EPHA6: variants seen among roughly 807,000 people sequenced by gnomAD.
EPHA6 encodes the protein ephrin type-A receptor 6.
A neutral mutation model predicts 112.0 loss-of-function variants in EPHA6; 50 were observed. The ratio of observed to expected loss-of-function variants is 0.45; its 90% CI spans 0.36 to 0.56. EPHA6 has a LOEUF of 0.56. Ranked by LOEUF, EPHA6 falls within the 20% of genes least tolerant of loss-of-function variation. EPHA6 has a pLI of 0.00. For missense variants in EPHA6, 1,280 were observed against 1,417.4 expected, an observed-to-expected ratio of 0.90 and a Z score of 1.56; for synonymous variants, 529 against 490.7, an observed-to-expected ratio of 1.08 and a Z score of -1.03.
intron 6 of EPHA6, among the ~76,000 whole-genome samples, chr3:97,406,470 A>G (rs992899686): frequency 3.9e-5 from 6 of 152,134 alleles, no homozygotes; most frequent in Admixed American, 6.6e-5. Context: ...GGTGACACCA[A>G]TCCCGCAAAT....
At chr3:97,412,875 G>A (rs1233533550) in intron 6 of EPHA6, among the ~76,000 whole-genome samples, 2 of 151,880 alleles carry the variant, frequency 1.3e-5, no homozygotes, top group East Asian at 3.9e-4. Context: ...GGATATACTT[G>A]GGGAGTCCAG....
At chr3:97,557,199 G>T (rs1042259515) in intron 11 of EPHA6, among the ~76,000 whole-genome samples, 1 of 151,950 alleles carries the variant, frequency 6.6e-6, no homozygotes, top group Non-Finnish European at 1.5e-5. Flanking sequence ...ACTTTCCAAA[G>T]TGTTGTAGCA....
chr3:97,007,491 G>T (rs1345860794), intron 3 of EPHA6, among the ~76,000 whole-genome samples: 1 of 148,744 alleles, frequency 6.7e-6, no homozygotes, highest in Admixed American at 6.7e-5. Flanking sequence ...TTTTGAGCCT[G>T]TGTGTGTCTT....
intron 5 of EPHA6, among the ~76,000 whole-genome samples, chr3:97,263,224 A>G (rs1216153580): frequency 6.6e-6 from 1 of 152,180 alleles, no homozygotes; most frequent in Non-Finnish European, 1.5e-5. Context: ...TTAAAGAAGA[A>G]GTGTTTAAAA....
intron 13 of EPHA6, among the ~76,000 whole-genome samples, chr3:97,635,805 A>G (rs1371858775): frequency 6.6e-6 from 1 of 152,144 alleles, no homozygotes; most frequent in Non-Finnish European, 1.5e-5. Flanking sequence ...TGGTACACAA[A>G]TTATATTTCA....
intron 14 of EPHA6, among the ~76,000 whole-genome samples, chr3:97,688,821 A>G (rs2107701265): frequency 6.6e-6 from 1 of 152,278 alleles, no homozygotes; most frequent in South Asian, 2.1e-4. Flanking sequence ...TGCTTAGCCT[A>G]CTTCCAAATA....
intron 11 of EPHA6, among the ~76,000 whole-genome samples, chr3:97,582,671 G>A (rs1393930250): frequency 6.6e-6 from 1 of 152,090 alleles, no homozygotes; most frequent in Non-Finnish European, 1.5e-5. Context: ...TTTCAAGACT[G>A]ATTGTGTTCC....
intron 5 of EPHA6, among the ~76,000 whole-genome samples, chr3:97,310,054 AGG>A (rs2108749642): frequency 6.6e-6 from 1 of 151,764 alleles, no homozygotes; most frequent in East Asian, 1.9e-4. Context: ...TTTAGAAAAC[AGG>A]TTGATTATAT....
At position 97,011,416 on chromosome 3, in the gene EPHA6, A is replaced by T. The variant is rs1259658330; in HGVS notation, c.1114+23423A>T. Reference sequence around the variant, plus strand: ...TGCCTCATGCCTGGATTGTTGTAAGATTAGCCTTTGGACATTTCAAGCAAA... The same window carrying T: ...TGCCTCATGCCTGGATTGTTGTAAGTTTAGCCTTTGGACATTTCAAGCAAA... On this transcript the variant is annotated intron_variant, in intron 3 of 17. Transcript: ENST00000389672. Among the ~76,000 whole-genome samples the T allele has an allele frequency of 2.6e-5, 4 of 152,288 alleles. No homozygotes were observed. The East Asian group carries it at 5.8e-4, about 22-fold the overall frequency.
At chr3:97,509,085 A>G (rs1279761876) in intron 10 of EPHA6, among the ~76,000 whole-genome samples, 1 of 135,990 alleles carries the variant, frequency 7.4e-6, no homozygotes, top group Non-Finnish European at 1.5e-5. Context: ...GTGTCTTTGC[A>G]CATGAGATGA....
intron 14 of EPHA6, chr3:97,646,290 A>G (rs747718868): frequency 4.6e-6 from 7 of 1,530,062 alleles, no homozygotes; most frequent in Non-Finnish European, 5.2e-6. Context: ...GCAATGTGAC[A>G]AGAGAGATAA....
chr3:97,358,756 A>G (rs1258757117), intron 5 of EPHA6, among the ~76,000 whole-genome samples: 1 of 152,022 alleles, frequency 6.6e-6, no homozygotes, highest in Non-Finnish European at 1.5e-5. Flanking sequence ...CTCATAATCA[A>G]TTGACTCAGG....
intron 6 of EPHA6, among the ~76,000 whole-genome samples, chr3:97,433,839 G>A (rs75860853): frequency 2.6e-5 from 4 of 152,070 alleles, no homozygotes; most frequent in Non-Finnish European, 4.4e-5. Context: ...TAACACAGAA[G>A]AGGCACGTTG....
intron 3 of EPHA6, among the ~76,000 whole-genome samples, chr3:97,133,257 A>G (rs1038929490): frequency 6.6e-6 from 1 of 152,050 alleles, no homozygotes; most frequent in African/African-American, 2.4e-5. Flanking sequence ...TAAGCCATCT[A>G]TATTTGGTGC....
chr3:97,193,398 C>T (rs2077359111), intron 3 of EPHA6, among the ~76,000 whole-genome samples: 1 of 151,942 alleles, frequency 6.6e-6, no homozygotes, highest in Non-Finnish European at 1.5e-5. Context: ...TTATTTGTAG[C>T]TATTGTAAAT....
At chr3:97,207,539 C>G (rs1373722649) in intron 3 of EPHA6, among the ~76,000 whole-genome samples, 1 of 152,068 alleles carries the variant, frequency 6.6e-6, no homozygotes, top group Non-Finnish European at 1.5e-5. Flanking sequence ...AGCTCAGTGA[C>G]TATAATATGT....
At chr3:97,587,776 G>T (rs961133420) in intron 11 of EPHA6, among the ~76,000 whole-genome samples, 2 of 152,034 alleles carry the variant, frequency 1.3e-5, no homozygotes, top group African/African-American at 4.8e-5. Context: ...GCTTACTTGG[G>T]CCTTTATTAT....
chr3:97,334,181 G>T (rs1037104353), intron 5 of EPHA6, among the ~76,000 whole-genome samples: 1 of 152,086 alleles, frequency 6.6e-6, no homozygotes, highest in Non-Finnish European at 1.5e-5. Flanking sequence ...CTTTGTTATA[G>T]CTTGCTTAAT....
At chr3:97,333,237 A>G (rs1219152568) in intron 5 of EPHA6, among the ~76,000 whole-genome samples, 1 of 152,052 alleles carries the variant, frequency 6.6e-6, no homozygotes, top group Non-Finnish European at 1.5e-5. Flanking sequence ...TATATGTGGT[A>G]CTGAGTTTCT....
Sources: gnomAD v4.1 joint callset for allele counts (sites outside exome capture counted in the v4.1 genomes callset) on GRCh38, gnomAD v4.1.1 for gene constraint, MANE v1.5 for transcripts, NCBI Gene and HGNC (gene_info 2026-07-23, HGNC 2026-07-21) for gene names.